The following RBBP8 variants were observed in gnomAD, a reference collection of about 807,000 sequenced individuals.
RBBP8 encodes DNA endonuclease RBBP8.
A neutral mutation model predicts 108.3 loss-of-function variants in RBBP8; 88 were observed. That is an observed-to-expected ratio of 0.81 (90% confidence interval 0.68 to 0.97). RBBP8 has a LOEUF of 0.97. Among genes scored for constraint, RBBP8 ranks in the 50% least tolerant of loss-of-function variants. RBBP8 has a pLI of 0.00. For missense variants in RBBP8, 1,023 were observed against 1,049.0 expected (o/e 0.98, Z 0.34); for synonymous variants, 332 against 348.2 (o/e 0.95, Z 0.52).
In RBBP8 at chr18:22,993,493, C is replaced by A. The variant is rs1440978342; in HGVS notation, c.1666C>A (p.Gln556Lys). The A allele has an allele frequency of 1.2e-6, 2 of 1,613,946 alleles. No individual in the cohort carries two copies. ...AGATTCCCCAGGGGAGCCCTGTTCA[C>A]AGGAATGCATCATCCTTCAGCCCTT... Reference protein sequence around the residue: ...PKDSPGEPCSQECIILQPLNK... With the variant: ...PKDSPGEPCSKECIILQPLNK... Residue 556 changes from glutamine to lysine, a missense_variant, in exon 11 of 19, where the codon CAG becomes AAG. Transcript: ENST00000327155.
In RBBP8 at chr18:22,960,602, A is replaced by G. The variant is rs112414626; in HGVS notation, c.249-8204A>G. On this transcript the variant is annotated intron_variant, in intron 4 of 18. Transcript: ENST00000327155. ...TATTACAGTCTCCCTTTATAAAAAA[A>G]AAGTTTTTTTCTTCTGACAGTCTCG... Among the ~76,000 whole-genome samples, 335 of 152,304 alleles carry G rather than the reference A, an allele frequency of 2.2e-3. 4 individuals are homozygous for G. The highest frequency in any genetic ancestry group is 7.8e-3 in the African/African-American group (323 of 41,574).
At chr18:22,990,147 C>G (rs767310646) in intron 9 of RBBP8, among the ~76,000 whole-genome samples, 1 of 152,256 alleles carries the variant, frequency 6.6e-6, no homozygotes, top group Admixed American at 6.5e-5. Context: ...ACCCATAAAC[C>G]TGGCAAGTCA....
intron 5 of RBBP8, among the ~76,000 whole-genome samples, chr18:22,972,060 G>A (rs906898031): frequency 7.3e-5 from 11 of 150,968 alleles, no homozygotes; most frequent in South Asian, 6.3e-4. Context: ...GTTCTGTTAC[G>A]ATCCAAAGAA....
At chr18:22,919,097 A>G (rs1909479592) in intron 3 of RBBP8, among the ~76,000 whole-genome samples, 1 of 152,226 alleles carries the variant, frequency 6.6e-6, no homozygotes, top group East Asian at 1.9e-4. Context: ...AACATTTTCT[A>G]AAGATAATAT....
exon 3 of RBBP8, chr18:22,916,967 G>A (rs1201874708): frequency 6.6e-6 from 1 of 152,082 alleles, no homozygotes; most frequent in Non-Finnish European, 1.5e-5. Flanking sequence ...TTGTTATGAA[G>A]ACAGAAATTG....
At chr18:22,999,813 A>G (rs2045917175) in intron 14 of RBBP8, among the ~76,000 whole-genome samples, 1 of 152,226 alleles carries the variant, frequency 6.6e-6, no homozygotes, top group African/African-American at 2.4e-5. Context: ...AGAAAGATCA[A>G]CAAGGATATA....
chr18:22,929,226 G>A (rs769700965), upstream of RBBP8, among the ~76,000 whole-genome samples: 13 of 152,202 alleles, frequency 8.5e-5, no homozygotes, highest in Non-Finnish European at 1.6e-4. Flanking sequence ...ATGGAAAGGA[G>A]TTTGGATTTT....
At chr18:22,946,864 C>T (rs1348015656) in intron 3 of RBBP8, among the ~76,000 whole-genome samples, 1 of 151,982 alleles carries the variant, frequency 6.6e-6, no homozygotes, top group Admixed American at 6.6e-5. Context: ...TGCTACAAGA[C>T]GAGGAGCAGA....
At chr18:22,980,064 G>A (rs893832818) in intron 6 of RBBP8, among the ~76,000 whole-genome samples, 1 of 152,056 alleles carries the variant, frequency 6.6e-6, no homozygotes, top group African/African-American at 2.4e-5. Context: ...TGGCCAACGT[G>A]GTGAAACCCT....
At chr18:22,992,701 C>T in intron 10 of RBBP8, 47 bp from the exon 11 acceptor site, 1 of 1,506,486 alleles carries the variant, frequency 6.6e-7, no homozygotes, top group Non-Finnish European at 9.2e-7. Context: ...TAGATAAGAC[C>T]TTACTATTAA....
chr18:22,939,048 C>T (rs1053078836), intron 2 of RBBP8, among the ~76,000 whole-genome samples: 3 of 152,168 alleles, frequency 2.0e-5, no homozygotes, highest in Admixed American at 6.5e-5. Flanking sequence ...CTGTAACTTT[C>T]CCTATGTCCC....
At chr18:22,974,851 T>A (rs1037283650) in intron 5 of RBBP8, among the ~76,000 whole-genome samples, 1 of 152,172 alleles carries the variant, frequency 6.6e-6, no homozygotes, top group Admixed American at 6.5e-5. Flanking sequence ...GATGGAATGC[T>A]TTCTTGTCCT....
chr18:22,954,189 C>G (rs375294712), intron 4 of RBBP8, among the ~76,000 whole-genome samples: 24 of 152,272 alleles, frequency 1.6e-4, no homozygotes, highest in African/African-American at 5.8e-4. Flanking sequence ...CCACAGTCGC[C>G]TAGAATCTTA....
At chr18:22,962,975 T>C (rs529258173) in intron 4 of RBBP8, among the ~76,000 whole-genome samples, 3 of 152,278 alleles carry the variant, frequency 2.0e-5, no homozygotes, top group East Asian at 1.9e-4. Flanking sequence ...TTTTTTATTG[T>C]GTCTCTTCTA....
intron 7 of RBBP8, among the ~76,000 whole-genome samples, chr18:22,984,453 T>C (rs913705375): frequency 6.6e-6 from 1 of 152,224 alleles, no homozygotes; most frequent in Admixed American, 6.5e-5. Flanking sequence ...GTGTGATCTG[T>C]AGCTTACTAC....
chr18:22,940,856 G>A (rs939405998), intron 2 of RBBP8, among the ~76,000 whole-genome samples: 4 of 151,646 alleles, frequency 2.6e-5, no homozygotes, highest in African/African-American at 9.7e-5. Context: ...TGTTGCCCAG[G>A]CTAGTCTCAA....
chr18:22,925,167 G>A (rs975482947), intron 3 of RBBP8, among the ~76,000 whole-genome samples: 2 of 152,000 alleles, frequency 1.3e-5, no homozygotes, highest in African/African-American at 4.8e-5. Flanking sequence ...GCTGCACTTG[G>A]CCGGAAGCCT....
chr18:22,941,320 C>T (rs1185027554), intron 2 of RBBP8, among the ~76,000 whole-genome samples: 1 of 151,972 alleles, frequency 6.6e-6, no homozygotes, highest in Non-Finnish European at 1.5e-5. Flanking sequence ...TACAGGCACG[C>T]ACCACCACTC....
At chr18:23,003,580 C>A (rs2045983791) in intron 15 of RBBP8, among the ~76,000 whole-genome samples, 1 of 152,176 alleles carries the variant, frequency 6.6e-6, no homozygotes, top group Admixed American at 6.5e-5. Context: ...AATTTTGATT[C>A]TTTGAATAGA....
Sources: gnomAD v4.1 joint callset for allele counts (sites outside exome capture counted in the v4.1 genomes callset) on GRCh38, gnomAD v4.1.1 for gene constraint, MANE v1.5 for transcripts, NCBI Gene and HGNC (gene_info 2026-07-23, HGNC 2026-07-21) for gene names.